MYO18B: variants seen among roughly 807,000 people sequenced by gnomAD.
MYO18B encodes the protein unconventional myosin-XVIIIb.
A neutral mutation model predicts 273.0 loss-of-function variants in MYO18B; 204 were observed. The ratio of observed to expected loss-of-function variants is 0.75; its 90% confidence interval spans 0.67 to 0.84. The LOEUF (loss-of-function observed/expected upper bound fraction) is 0.84. Ranked by LOEUF, MYO18B falls within the 40% of genes least tolerant of loss-of-function variation. MYO18B has a pLI of 0.00. For missense variants in MYO18B, 3,212 were observed against 3,287.6 expected, an observed-to-expected ratio of 0.98 and a Z score of 0.56; for synonymous variants, 1,330 against 1,305.7, an observed-to-expected ratio of 1.02 and a Z score of -0.40.
Position 25,768,842 on chromosome 22 carries a change from T to C in MYO18B, c.926T>C (p.Val309Ala), listed in dbSNP as rs2086608552. ...GACGTAGGGAGTGAAGGGAAGCACG[T>C]AAGGCCCCAAATCCCTGGGAGAAAG... ...SKDVGSEGKH[V>A]RPQIPGRKWG... The change falls in exon 4 of 44, where the codon GTA becomes GCA. Residue 309 changes from valine to alanine, a missense_variant. By Grantham distance (64) the Val-to-Ala change is moderately conservative. Coordinates refer to ENST00000335473, the MANE Select transcript of MYO18B (RefSeq NM_032608.7). 1.2e-6 allele frequency: 2 copies of C among 1,612,402 alleles called. No individual in the cohort carries two copies. Among genetic ancestry groups the C allele is most frequent in the Non-Finnish European group, 1.7e-6 (2 of 1,179,264 alleles).
At chr22:25,799,119 C>T (rs577771518) in intron 12 of MYO18B, among the ~76,000 whole-genome samples, 4 of 104,942 alleles carry the variant, frequency 3.8e-5, no homozygotes, top group Admixed American at 3.2e-4. Context: ...TCACCTTATG[C>T]GGTGTTTACG....
chr22:25,828,589 A>G (rs1006269473), intron 14 of MYO18B, among the ~76,000 whole-genome samples, 187 bp from the exon 15 acceptor site: 4 of 150,324 alleles, frequency 2.7e-5, no homozygotes, highest in African/African-American at 9.8e-5. Context: ...GGATAAGCCT[A>G]CTCACCCCCA....
intron 32 of MYO18B, among the ~76,000 whole-genome samples, chr22:25,909,434 T>C (rs1226878814): frequency 6.6e-6 from 1 of 152,244 alleles, no homozygotes; most frequent in Non-Finnish European, 1.5e-5. Context: ...CTTGTATTTC[T>C]CTCCATCCTA....
At chr22:25,934,130 A>G (rs2092546890) in intron 34 of MYO18B, among the ~76,000 whole-genome samples, 1 of 152,164 alleles carries the variant, frequency 6.6e-6, no homozygotes, top group South Asian at 2.1e-4. Context: ...TTACCTGTCC[A>G]AGGCATATGC....
intron 39 of MYO18B, among the ~76,000 whole-genome samples, chr22:25,991,067 C>T (rs770688209): frequency 1.1e-4 from 17 of 152,158 alleles, no homozygotes; most frequent in Non-Finnish European, 2.4e-4. Context: ...AAGCACTCCA[C>T]GCTGCCACAA....
intron 3 of MYO18B, among the ~76,000 whole-genome samples, chr22:25,766,591 TG>T (rs952402267): frequency 6.6e-6 from 1 of 152,014 alleles, no homozygotes; most frequent in African/African-American, 2.4e-5. Flanking sequence ...ATATTTGAGC[TG>T]GGTATAGAAG....
At chr22:26,026,326 G>A (rs41531549) in intron 42 of MYO18B, 119 bp from the exon 43 acceptor site, 9 of 1,143,582 alleles carry the variant, frequency 7.9e-6, no homozygotes, top group South Asian at 1.5e-5. Flanking sequence ...GAGTGCGGTA[G>A]GGATGGTATT....
intron 39 of MYO18B, among the ~76,000 whole-genome samples, chr22:25,990,064 C>A (rs1442202305): frequency 6.6e-6 from 1 of 152,200 alleles, no homozygotes; most frequent in Non-Finnish European, 1.5e-5. Context: ...CGGCGTCCTT[C>A]CCGCCACCCC....
At chr22:25,838,933 G>A (rs1601303485) in intron 17 of MYO18B, among the ~76,000 whole-genome samples, 1 of 151,992 alleles carries the variant, frequency 6.6e-6, no homozygotes, top group East Asian at 1.9e-4. Context: ...GTGCCTGTGT[G>A]TGTGCATGTG....
At chr22:25,854,329 G>A (rs1172464079) in intron 21 of MYO18B, among the ~76,000 whole-genome samples, 1 of 152,092 alleles carries the variant, frequency 6.6e-6, no homozygotes, top group Non-Finnish European at 1.5e-5. Flanking sequence ...ACTATGAAAA[G>A]GTTACAGAAC....
At chr22:25,886,122 G>A (rs190107953) in intron 25 of MYO18B, among the ~76,000 whole-genome samples, 19 of 152,330 alleles carry the variant, frequency 1.2e-4, no homozygotes, top group South Asian at 6.2e-4. Flanking sequence ...CTGCCACCTC[G>A]AGACAACATC....
At chr22:25,854,501 T>C (rs925107595) in intron 21 of MYO18B, among the ~76,000 whole-genome samples, 1 of 152,192 alleles carries the variant, frequency 6.6e-6, no homozygotes, top group East Asian at 1.9e-4. Flanking sequence ...AAAAAAATTA[T>C]GGTAAAATAC....
At chr22:25,955,068 T>C (rs2146645767) in intron 38 of MYO18B, 111 bp from the exon 39 acceptor site, 2 of 1,183,454 alleles carry the variant, frequency 1.7e-6, no homozygotes, top group Non-Finnish European at 2.3e-6. Flanking sequence ...ATTCTTATCC[T>C]GATTATGAAA....
At chr22:26,057,090 G>A in the MYO18B span, among the ~76,000 whole-genome samples, 1 of 152,154 alleles carries the variant, frequency 6.6e-6, no homozygotes, top group South Asian at 2.1e-4. Flanking sequence ...AGCTTCAGAG[G>A]ACAACCGTCC....
At chr22:26,035,707 G>A (rs564472728), downstream of MYO18B, among the ~76,000 whole-genome samples, 3 of 152,302 alleles carry the variant, frequency 2.0e-5, no homozygotes, top group Non-Finnish European at 2.9e-5. Flanking sequence ...TGGAGGTGAC[G>A]TCAGCCTAAC....
intron 4 of MYO18B, 56 bp from the exon 5 acceptor site, chr22:25,770,054 A>C (rs773261405): frequency 1.9e-6 from 3 of 1,567,294 alleles, no homozygotes; most frequent in Non-Finnish European, 2.6e-6. Flanking sequence ...CGTGTAAGGT[A>C]GAAGATGGGC....
intron 4 of MYO18B, 179 bp from the exon 5 acceptor site, chr22:25,769,931 C>T (rs2145594209): frequency 1.7e-6 from 1 of 594,548 alleles, no homozygotes; most frequent in East Asian, 3.1e-5. Flanking sequence ...GATCTCGGCT[C>T]CACCTCCCGG....
chr22:26,010,992 A>G (rs1291122622), intron 42 of MYO18B, among the ~76,000 whole-genome samples: 1 of 151,854 alleles, frequency 6.6e-6, no homozygotes, highest in South Asian at 2.1e-4. Flanking sequence ...GATTCTTATG[A>G]GTGTAGATGA....
chr22:25,921,221 G>A lies in MYO18B; in HGVS notation c.5365-36G>A. On this transcript the variant is annotated intron_variant, in intron 33 of 43. Transcript: ENST00000335473. ...AAACTTAGACCCTGGCCACTGCTTT[G>A]CCACCTAAGCTCATGGGTCTCCCTT... The A allele has an allele frequency of 3.3e-6, 5 of 1,530,620 alleles. No individual in the cohort carries two copies. In the East Asian group the frequency reaches 7.4e-5, roughly 23 times the overall value. The allele number at this position is 1,530,620 out of a possible 1,614,324, so 94.8% of individuals were successfully genotyped here.
Sources: allele counts gnomAD v4.1 joint callset (sites outside exome capture counted in the v4.1 genomes callset), GRCh38; gene constraint gnomAD v4.1.1; transcripts MANE v1.5; gene names NCBI Gene and HGNC (gene_info 2026-07-23, HGNC 2026-07-21).